UST: variants seen among roughly 807,000 people sequenced by gnomAD.
The protein encoded by UST is uronyl 2-sulfotransferase.
In UST, 21 loss-of-function variants were observed where a neutral mutation model predicts 45.6. That is an observed-to-expected ratio of 0.46 (90% CI 0.33 to 0.66). The LOEUF (loss-of-function observed/expected upper bound fraction) is 0.66. UST is among the 30% of genes least tolerant of loss of function. UST has a pLI of 0.02. For missense variants in UST, 463 were observed against 512.4 expected, an observed-to-expected ratio of 0.90 and a Z score of 0.93; for synonymous variants, 215 against 200.6, an observed-to-expected ratio of 1.07 and a Z score of -0.61.
In UST at chr6:148,850,316, A is replaced by T. The variant is rs555783993; in HGVS notation, c.248-36670A>T. On this transcript the variant is annotated intron_variant, in intron 1 of 7. Transcript: ENST00000367463. ...GGACCAGCGTCTGCTCTTAACTATC[A>T]TGCTACACCCCGTCTTGAAGAATTT... 2.0e-5 allele frequency among the ~76,000 whole-genome samples: 3 copies of T among 152,256 alleles called. No homozygotes were observed. In the East Asian group the frequency reaches 5.8e-4, roughly 29 times the overall value.
rs34342100 is a variant in UST at position 148,748,399 on chromosome 6, T to TTGTGTGTGTGTGTGTGTG, written c.247+759_247+776dup. 7.1e-5 allele frequency among the ~76,000 whole-genome samples: 9 copies of TTGTGTGTGTGTGTGTGTG among 127,614 alleles called. No individual in the cohort carries two copies. The highest frequency in any genetic ancestry group is 2.1e-4 in the African/African-American group (7 of 32,590). 83.7% of individuals were successfully genotyped at this position (127,614 alleles called of 152,430 possible). Reference sequence around the variant, plus strand: ...GTGCGTCTCAAGCTCAAGTCAAAACTTGTGTGTGTGTGTGTGTGTGTGTGT... The same window carrying TTGTGTGTGTGTGTGTGTG: ...GTGCGTCTCAAGCTCAAGTCAAAACTTGTGTGTGTGTGTGTGTGTGTGTGTGTGTGTGTGTGTGTGTGT... On this transcript the variant is annotated intron_variant, in intron 1 of 7. Coordinates refer to ENST00000367463, the MANE Select transcript of UST (RefSeq NM_005715.3). The surrounding 1 kb of genome is among the most constrained non-coding windows in gnomAD (Gnocchi z 5.3).
At chr6:148,857,250 G>C (rs1282628098) in intron 1 of UST, among the ~76,000 whole-genome samples, 1 of 152,050 alleles carries the variant, frequency 6.6e-6, no homozygotes, top group Non-Finnish European at 1.5e-5. Context: ...TACTCTCACG[G>C]TCAGAGCCCC....
rs182316673 is a variant in UST, at chr6:148,772,795, A to G, written c.247+25118A>G. ...GGGCCAGAATCTTTCTCAGAGGGGG[A>G]AATTCCAAATGAACATATTTTGAAT... On this transcript the variant is annotated intron_variant, in intron 1 of 7. Coordinates refer to ENST00000367463, the MANE Select transcript of UST (RefSeq NM_005715.3). 1.1e-3 allele frequency among the ~76,000 whole-genome samples: 163 copies of G among 152,276 alleles called. 1 individual carries two copies. Among genetic ancestry groups the G allele is most frequent in the Non-Finnish European group, 4.3e-4 (29 of 68,030 alleles).
At chr6:148,864,874 A>G (rs1045718195) in intron 1 of UST, among the ~76,000 whole-genome samples, 1 of 152,222 alleles carries the variant, frequency 6.6e-6, no homozygotes, top group Non-Finnish European at 1.5e-5. Context: ...CACAATGCTC[A>G]GTATTCAGAA....
chr6:149,026,515 C>G (rs1005765330), intron 7 of UST, among the ~76,000 whole-genome samples: 6 of 152,070 alleles, frequency 3.9e-5, no homozygotes, highest in African/African-American at 1.4e-4. Context: ...TTTTTCTAGT[C>G]ATAATTTTTA....
At chr6:148,990,899 C>G (rs1211024176) in intron 5 of UST, among the ~76,000 whole-genome samples, 2 of 152,184 alleles carry the variant, frequency 1.3e-5, no homozygotes, top group Non-Finnish European at 2.9e-5. Context: ...CTGATCGTAT[C>G]TATTCATTCA....
At position 148,886,968 on chromosome 6, in the gene UST, T is replaced by C. The variant is rs1235946903; in HGVS notation, c.248-18T>C. 2 of 1,608,762 alleles carry C rather than the reference T, an allele frequency of 1.2e-6. No individual in the cohort carries two copies. The highest frequency in any genetic ancestry group is 1.7e-4 in the Middle Eastern group (1 of 6,052). ...GATTTAAAAAACGGATTCATCAACT[T>C]TTTCCTTTATTTTCTAGGAAATTCC... On this transcript the variant is annotated intron_variant, in intron 1 of 7. Coordinates refer to ENST00000367463, the MANE Select transcript of UST (RefSeq NM_005715.3).
In UST at chr6:148,918,079, C is replaced by A. The variant is rs180958733; in HGVS notation, c.292-23200C>A. ...AGGCCGGATGACCTTAAGAATGAAA[C>A]CCAAGCCCTCGTGGGGTTAAAATTC... On this transcript the variant is annotated intron_variant, in intron 2 of 7. Transcript: ENST00000367463. 3.5e-4 allele frequency among the ~76,000 whole-genome samples: 53 copies of A among 152,288 alleles called. 1 individual carries two copies. In the East Asian group the frequency reaches 8.7e-3, roughly 25 times the overall value.
At chr6:148,825,274 G>A (rs1777549881) in intron 1 of UST, among the ~76,000 whole-genome samples, 1 of 152,180 alleles carries the variant, frequency 6.6e-6, no homozygotes, top group African/African-American at 2.4e-5. Context: ...TTCGGTTGGA[G>A]GCTGAAGTTA....
intron 7 of UST, among the ~76,000 whole-genome samples, chr6:149,056,180 C>CAT (rs1246974384): frequency 4.2e-5 from 2 of 47,800 alleles, no homozygotes; most frequent in African/African-American, 1.6e-4. Context: ...AGTGCGGTGG[C>CAT]GTTAGCTCAC....
chr6:148,798,901 G>A (rs377117175), intron 1 of UST, among the ~76,000 whole-genome samples: 2 of 150,986 alleles, frequency 1.3e-5, no homozygotes, highest in Non-Finnish European at 2.9e-5. Context: ...ATGGAGTCTC[G>A]CTCTGTCACC....
At chr6:149,031,472 TA>T (rs1211064881) in intron 7 of UST, among the ~76,000 whole-genome samples, 2 of 152,236 alleles carry the variant, frequency 1.3e-5, no homozygotes, top group African/African-American at 4.8e-5. Context: ...AATTGCAGCA[TA>T]ATATATGTGC....
At chr6:148,835,788 G>A (rs1056845037) in intron 1 of UST, among the ~76,000 whole-genome samples, 4 of 152,196 alleles carry the variant, frequency 2.6e-5, no homozygotes, top group Admixed American at 6.5e-5. Flanking sequence ...AAATACGGAA[G>A]TGTGTGGGGT....
At chr6:148,964,802 T>C (rs1780749772) in intron 5 of UST, 1 of 536,606 alleles carries the variant, frequency 1.9e-6, no homozygotes, top group African/African-American at 1.9e-5. Flanking sequence ...CAGTTGTCTT[T>C]AGTGCTAGGT....
chr6:149,008,831 G>A (rs1775757690), intron 5 of UST, among the ~76,000 whole-genome samples: 1 of 152,218 alleles, frequency 6.6e-6, no homozygotes, highest in Non-Finnish European at 1.5e-5. Context: ...AATGTTTCCT[G>A]AGAAAAGACC....
Position 148,748,398 on chromosome 6 carries a change from CTTGTGTGTGTGTGTGTGTGT to C in UST, c.247+722_247+741del, listed in dbSNP as rs1192718064. Among the ~76,000 whole-genome samples, 1 of 116,144 alleles carries C rather than the reference CTTGTGTGTGTGTGTGTGTGT, an allele frequency of 8.6e-6. No individual in the cohort carries two copies. Among genetic ancestry groups the C allele is most frequent in the Non-Finnish European group, 1.8e-5 (1 of 56,620 alleles). 76.2% of individuals were successfully genotyped at this position (116,144 alleles called of 152,430 possible). A position where few individuals can be genotyped will look rare whatever the true frequency, so the allele number is the denominator to read the frequency against. The stretch of plus-strand genomic sequence containing the variant: ...TGTGCGTCTCAAGCTCAAGTCAAAA[CTTGTGTGTGTGTGTGTGTGT>C]GTGTGTGTGTGTGTGTGTGTGTGTG... On this transcript the variant is annotated intron_variant, in intron 1 of 7. Transcript: ENST00000367463. This position sits in a 1 kb window ranked among gnomAD's most constrained non-coding sequence, Gnocchi z 5.3.
chr6:148,775,532 G>A (rs1776514313), intron 1 of UST, among the ~76,000 whole-genome samples: 1 of 152,138 alleles, frequency 6.6e-6, no homozygotes. Flanking sequence ...CTACCTCTGT[G>A]TATGTGTATG....
At chr6:148,882,486 C>CAAAAAAA (rs397741900) in intron 1 of UST, among the ~76,000 whole-genome samples, 7 of 74,120 alleles carry the variant, frequency 9.4e-5, no homozygotes, top group East Asian at 4.0e-4. Flanking sequence ...AACTCCATCT[C>CAAAAAAA]AAAAAAAAAA....
intron 7 of UST, among the ~76,000 whole-genome samples, chr6:149,047,500 A>T (rs1776411922): frequency 6.6e-6 from 1 of 152,216 alleles, no homozygotes; most frequent in Non-Finnish European, 1.5e-5. Flanking sequence ...TCAAAATTTA[A>T]AAGTCCTTTT....
Sources: gnomAD v4.1 joint callset for allele counts (sites outside exome capture counted in the v4.1 genomes callset) on GRCh38, gnomAD v4.1.1 for gene constraint, Gnocchi (gnomAD v3.1) non-coding constraint, MANE v1.5 for transcripts, NCBI Gene and HGNC (gene_info 2026-07-23, HGNC 2026-07-21) for gene names.